The following DPP6 variants were observed in gnomAD, a reference collection of about 807,000 sequenced individuals.
The protein encoded by DPP6 is A-type potassium channel modulatory protein DPP6.
DPP6 carries 69 observed loss-of-function variants against 122.6 expected under a neutral mutation model. That is an observed-to-expected ratio of 0.56 (90% confidence interval 0.46 to 0.69). DPP6 has a LOEUF of 0.69. Among genes scored for constraint, DPP6 ranks in the 30% least tolerant of loss-of-function variants. The probability of loss-of-function intolerance (pLI) is 0.00; values close to 1 mark genes in which losing one functional copy is unlikely to be tolerated. For synonymous variants in DPP6, 418 were observed against 433.1 expected (o/e 0.97, Z 0.43); for missense variants, 928 against 1,116.9 (o/e 0.83, Z 2.41).
chr7:153,971,244 A>G (rs1171168061), intron 1 of DPP6, among the ~76,000 whole-genome samples: 1 of 152,100 alleles, frequency 6.6e-6, no homozygotes, highest in Non-Finnish European at 1.5e-5. Flanking sequence ...TTGTTAGTAT[A>G]CAGAAATATT....
intron 6 of DPP6, among the ~76,000 whole-genome samples, chr7:154,646,232 T>C (rs976147963): frequency 6.6e-6 from 1 of 152,082 alleles, no homozygotes; most frequent in Admixed American, 6.6e-5. Flanking sequence ...ACTAAAACCA[T>C]GCCCAGGCTC....
intron 1 of DPP6, chr7:154,305,196 G>T (rs1459773920): frequency 1.9e-6 from 2 of 1,064,324 alleles, no homozygotes; most frequent in Non-Finnish European, 2.3e-6. Context: ...GCCACTTGCC[G>T]GTTGCTAAGC....
chr7:154,665,763 G>A (rs532315279), intron 6 of DPP6, among the ~76,000 whole-genome samples: 1 of 152,040 alleles, frequency 6.6e-6, no homozygotes, highest in East Asian at 1.9e-4. Context: ...ATCTATCTGT[G>A]TACATAGAGA....
chr7:154,265,260 CGAT>C (rs148001959), intron 1 of DPP6, among the ~76,000 whole-genome samples: 5,758 of 151,164 alleles, frequency 0.038, 198 homozygotes, highest in East Asian at 0.16. Flanking sequence ...GTGTTAATGG[CGAT>C]GATGATGATG....
At chr7:154,888,911 A>C (rs1029983308) in intron 23 of DPP6, among the ~76,000 whole-genome samples, 3 of 152,208 alleles carry the variant, frequency 2.0e-5, no homozygotes, top group Non-Finnish European at 4.4e-5. Flanking sequence ...AAGCATGTGC[A>C]GGGAAACTCT....
chr7:153,785,239 C>T, the DPP6 span, among the ~76,000 whole-genome samples: 16 of 152,254 alleles, frequency 1.1e-4, no homozygotes, highest in Non-Finnish European at 1.8e-4. Flanking sequence ...TGTTTCTGCA[C>T]GTTCTGCTCT....
intron 1 of DPP6, among the ~76,000 whole-genome samples, chr7:154,275,850 G>A (rs994986882): frequency 1.3e-5 from 2 of 152,170 alleles, no homozygotes; most frequent in Non-Finnish European, 2.9e-5. Flanking sequence ...GCCAGACATG[G>A]AGATATCCAT....
chr7:154,263,876 A>G (rs1803197211), intron 1 of DPP6, among the ~76,000 whole-genome samples: 1 of 152,016 alleles, frequency 6.6e-6, no homozygotes, highest in South Asian at 2.1e-4. Context: ...TTTTTAGTAG[A>G]TATGAGGTTT....
intron 1 of DPP6, among the ~76,000 whole-genome samples, chr7:154,240,226 T>C (rs1801498961): frequency 1.3e-5 from 2 of 152,132 alleles, no homozygotes; most frequent in African/African-American, 4.8e-5. Context: ...GCTAAGTTTA[T>C]GTCCAATGGG....
At chr7:154,644,186 G>A (rs1376624322) in intron 6 of DPP6, among the ~76,000 whole-genome samples, 1 of 152,198 alleles carries the variant, frequency 6.6e-6, no homozygotes, top group Non-Finnish European at 1.5e-5. Flanking sequence ...GCGCAGATTA[G>A]TTTTGTGCTT....
At chr7:154,840,767 T>G (rs552914328) in intron 16 of DPP6, among the ~76,000 whole-genome samples, 1 of 152,306 alleles carries the variant, frequency 6.6e-6, no homozygotes, top group South Asian at 2.1e-4. Context: ...TGTGCACTTT[T>G]TCAAAAGCAA....
At chr7:154,280,815 C>T (rs1804453614) in intron 1 of DPP6, among the ~76,000 whole-genome samples, 1 of 152,200 alleles carries the variant, frequency 6.6e-6, no homozygotes, top group East Asian at 1.9e-4. Flanking sequence ...GTTCTAAGCA[C>T]TCTGAAAATA....
chr7:154,863,276 G>A lies in DPP6; in HGVS notation c.1715-4719G>A, dbSNP rs1267853730. Among the ~76,000 whole-genome samples, 1 of 151,876 alleles carries A rather than the reference G, an allele frequency of 6.6e-6. No homozygotes were observed. Among genetic ancestry groups the A allele is most frequent in the Admixed American group, 6.6e-5 (1 of 15,256 alleles). ...CACTGCATGTATATGTGGAGGGAAG[G>A]ACAATATGATTTTAAGAAATGTAAT... On this transcript the variant is annotated intron_variant, in intron 17 of 25. Transcript: ENST00000377770. This position sits in a 1 kb window ranked among gnomAD's most constrained non-coding sequence, Gnocchi z 4.1.
chr7:153,959,039 G>A (rs1477641574), intron 1 of DPP6, among the ~76,000 whole-genome samples: 1 of 152,044 alleles, frequency 6.6e-6, no homozygotes, highest in East Asian at 1.9e-4. Context: ...CTAATGAGAG[G>A]CATTTGGTGG....
chr7:154,117,244 T>C (rs1585411297), intron 1 of DPP6, among the ~76,000 whole-genome samples: 1 of 152,340 alleles, frequency 6.6e-6, no homozygotes, highest in East Asian at 1.9e-4. Flanking sequence ...AATTAGTAAC[T>C]CAAAATAATT....
At chr7:154,346,020 A>T (rs1016803585) in intron 1 of DPP6, among the ~76,000 whole-genome samples, 4 of 152,146 alleles carry the variant, frequency 2.6e-5, no homozygotes, top group African/African-American at 4.8e-5. Context: ...TCTGTTACGT[A>T]TCAGCAAATG....
chr7:153,886,899 G>A (rs1360793110), upstream of DPP6, among the ~76,000 whole-genome samples: 3 of 152,230 alleles, frequency 2.0e-5, no homozygotes, highest in African/African-American at 7.2e-5. Flanking sequence ...ACCCGGCTGC[G>A]GACGGCGGCT....
At chr7:154,492,130 A>G (rs775797075) in intron 3 of DPP6, among the ~76,000 whole-genome samples, 5 of 152,210 alleles carry the variant, frequency 3.3e-5, no homozygotes, top group African/African-American at 4.8e-5. Context: ...AAAGGCAAAT[A>G]AGACAAGCTT....
chr7:153,891,593 A>C (rs1055672244), intron 1 of DPP6, among the ~76,000 whole-genome samples: 1 of 152,172 alleles, frequency 6.6e-6, no homozygotes, highest in Non-Finnish European at 1.5e-5. Flanking sequence ...CTGCTTGTTT[A>C]ACAGAGGTAT....
Sources: gnomAD v4.1 joint callset for allele counts (sites outside exome capture counted in the v4.1 genomes callset) on GRCh38, gnomAD v4.1.1 for gene constraint, Gnocchi (gnomAD v3.1) non-coding constraint, MANE v1.5 for transcripts, NCBI Gene and HGNC (gene_info 2026-07-23, HGNC 2026-07-21) for gene names.